ZNF121: variants seen among roughly 807,000 people sequenced by gnomAD.
The protein encoded by ZNF121 is zinc finger protein 121 (clone ZHC32).
A neutral mutation model predicts 2.4 loss-of-function variants in ZNF121; 1 was observed. That is an observed-to-expected ratio of 0.41 (90% CI 0.15 to 1.94). The LOEUF is 1.94. ZNF121 is among the 30% of genes most tolerant of loss of function. The pLI is 0.30. For synonymous variants in ZNF121, 173 were observed against 158.6 expected, an observed-to-expected ratio of 1.09 and a Z score of -0.68; for missense variants, 369 against 466.3, an observed-to-expected ratio of 0.79 and a Z score of 1.92.
chr19:9,563,298 C>CT lies in ZNF121; in HGVS notation c.*2641dup, dbSNP rs1369187286. On this transcript the variant is annotated 3_prime_UTR_variant, in exon 4 of 4. Coordinates refer to ENST00000320451, the MANE Select transcript of ZNF121 (RefSeq NM_001008727.5). ...CCTAATCCAGAGCAAGGCCCTAACT[C>CT]TAATTCTATGAAGGCTGAGAGGTGA... 2.0e-5 allele frequency: 3 copies of CT among 152,208 alleles called. No homozygotes were observed. The highest frequency in any genetic ancestry group is 2.0e-4 in the Admixed American group (3 of 15,284). The allele number at this position is 152,208 out of a possible 1,614,324, so 9.4% of individuals were successfully genotyped here. A position where few individuals can be genotyped will look rare whatever the true frequency, so the allele number is the denominator to read the frequency against.
intron 1 of ZNF121, among the ~76,000 whole-genome samples, chr19:9,578,617 T>C (rs2074228020): frequency 6.6e-6 from 1 of 152,148 alleles, no homozygotes; most frequent in Admixed American, 6.6e-5. Context: ...CAGTCTTCAA[T>C]AAGTGCTGCT....
chr19:9,568,266 T>C, intron 2 of ZNF121, 91 bp from the exon 3 acceptor site: 1 of 579,500 alleles, frequency 1.7e-6, no homozygotes, highest in Non-Finnish European at 2.9e-6. Context: ...TCATTTTTAT[T>C]TGTCATATTC....
Position 9,561,568 on chromosome 19 carries a change from T to C in ZNF121, c.*4372A>G, listed in dbSNP as rs1307411659. 6.6e-6 allele frequency: 1 copy of C among 152,068 alleles called. No individual in the cohort carries two copies. The allele number at this position is 152,068 out of a possible 1,614,324, so 9.4% of individuals were successfully genotyped here. On this transcript the variant is annotated 3_prime_UTR_variant, in exon 4 of 4. Coordinates refer to ENST00000320451, the MANE Select transcript of ZNF121 (RefSeq NM_001008727.5). ...TCCTTACAAAATTCCAGTTAAGAAA[T>C]GTAGAAGAAACTATGGAATTAGAAA...
chr19:9,575,211 C>T (rs114275130), intron 1 of ZNF121, among the ~76,000 whole-genome samples: 1,952 of 152,180 alleles, frequency 0.013, 47 homozygotes, highest in African/African-American at 0.045. Context: ...CCTGACATCA[C>T]GAGTTAGAGA....
Position 9,566,025 on chromosome 19 carries a change from G to C in ZNF121, c.1088C>G (p.Thr363Ser). ...GTTACATATATAGGGTTTCTCTCCA[G>C]TGTGAATTCTAACATGTTTCTGTAG... ...SHLQKHVRIH[T>S]GEKPYICNEC... is the part of the protein sequence containing the mutation. The change falls in exon 4 of 4, where the codon ACT (threonine) becomes AGT (serine). Residue 363 changes from threonine (T) to serine (S), a missense_variant. Around this residue, in one of 4 missense-constraint regions of ZNF121, gnomAD observed 127 missense variants for 169.9 expected, o/e 0.75. Coordinates refer to ENST00000320451, the MANE Select transcript of ZNF121 (RefSeq NM_001008727.5). 1.9e-6 allele frequency: 3 copies of C among 1,613,908 alleles called. No homozygotes were observed. Among genetic ancestry groups the C allele is most frequent in the Admixed American group, 1.7e-5 (1 of 59,996 alleles).
chr19:9,582,291 CAAG>C (rs1035890365), intron 1 of ZNF121, among the ~76,000 whole-genome samples: 3 of 152,190 alleles, frequency 2.0e-5, no homozygotes, highest in Non-Finnish European at 2.9e-5. Context: ...TGAAGAACAA[CAAG>C]AAGAAGCGAA....
At position 9,567,062 on chromosome 19, in the gene ZNF121, T is replaced by C; in HGVS notation, c.51A>G (p.Gly17=). The C allele has an allele frequency of 6.2e-7, 1 of 1,613,982 alleles. No individual in the cohort carries two copies. The highest frequency in any genetic ancestry group is 1.1e-5 in the South Asian group (1 of 91,042). Reference sequence around the variant, plus strand: ...GGCATGAGTGTTCACTGAAGATTTCTCCATTTTCCATAAAGTCACAGAGTT... The same window carrying C: ...GGCATGAGTGTTCACTGAAGATTTCCCCATTTTCCATAAAGTCACAGAGTT... ...GGELCDFMEN[G]EIFSEHSCLN... is the part of the protein sequence containing the mutation. Residue 17 remains glycine (G), a synonymous_variant, in exon 4 of 4, where the codon GGA becomes GGG. Transcript: ENST00000320451.
At chr19:9,584,378 G>A (rs1599746049) in intron 1 of ZNF121, 83 bp downstream of exon 1, 1 of 152,278 alleles carries the variant, frequency 6.6e-6, no homozygotes, top group African/African-American at 2.4e-5. Flanking sequence ...GAGGCGGATC[G>A]GAGAGGCTCC....
chr19:9,576,360 T>C (rs938481693), intron 1 of ZNF121, among the ~76,000 whole-genome samples: 16 of 151,760 alleles, frequency 1.1e-4, no homozygotes, highest in African/African-American at 3.6e-4. Context: ...CAACGGAACA[T>C]TGTTTTGGTA....
chr19:9,582,982 G>A (rs1430264607), intron 1 of ZNF121, among the ~76,000 whole-genome samples: 1 of 144,508 alleles, frequency 6.9e-6, no homozygotes, highest in Non-Finnish European at 1.5e-5. Flanking sequence ...TTGGGAGGCC[G>A]TCAGGCGGAT....
In ZNF121 at chr19:9,576,785, C is replaced by G. The variant is rs535882610; in HGVS notation, c.-160+7676G>C. Reference sequence around the variant, plus strand: ...TAAAAAATGAAAAAAGAAAACAGAACAGAAACCACAGAAATACAACCAATC... The same window carrying G: ...TAAAAAATGAAAAAAGAAAACAGAAGAGAAACCACAGAAATACAACCAATC... On this transcript the variant is annotated intron_variant, in intron 1 of 3. Coordinates refer to ENST00000320451, the MANE Select transcript of ZNF121 (RefSeq NM_001008727.5). 7.9e-5 allele frequency among the ~76,000 whole-genome samples: 12 copies of G among 152,150 alleles called. No homozygotes were observed. The East Asian group carries it at 2.1e-3, about 27-fold the overall frequency.
chr19:9,581,991 A>T (rs2074251202), intron 1 of ZNF121, among the ~76,000 whole-genome samples: 1 of 152,184 alleles, frequency 6.6e-6, no homozygotes, highest in African/African-American at 2.4e-5. Flanking sequence ...ACCTGAGGTG[A>T]AAGAAAACAA....
At chr19:9,579,326 TCACTTGAG>T (rs1287409840) in intron 1 of ZNF121, among the ~76,000 whole-genome samples, 1 of 152,018 alleles carries the variant, frequency 6.6e-6, no homozygotes, top group Non-Finnish European at 1.5e-5. Context: ...GGTGGGAGGA[TCACTTGAG>T]CCCAGAAGTT....
At chr19:9,579,125 T>G (rs2074231735) in intron 1 of ZNF121, among the ~76,000 whole-genome samples, 1 of 152,112 alleles carries the variant, frequency 6.6e-6, no homozygotes. Context: ...AAATCACACA[T>G]TACCACAATG....
chr19:9,574,508 T>A (rs1416324551), intron 1 of ZNF121, among the ~76,000 whole-genome samples: 1 of 152,178 alleles, frequency 6.6e-6, no homozygotes, highest in Non-Finnish European at 1.5e-5. Flanking sequence ...CCAGCAGATT[T>A]GCCATGAGAG....
intron 1 of ZNF121, among the ~76,000 whole-genome samples, chr19:9,574,110 A>C (rs1367261455): frequency 6.6e-6 from 1 of 151,646 alleles, no homozygotes; most frequent in Non-Finnish European, 1.5e-5. Context: ...TAGCACTTGA[A>C]CATAAATTTT....
intron 3 of ZNF121, chr19:9,567,854 C>T (rs1302869497): frequency 5.1e-6 from 2 of 394,422 alleles, no homozygotes; most frequent in East Asian, 3.8e-5. Context: ...GGCAGTAATA[C>T]AAGCGATGGG....
At chr19:9,583,009 C>T (rs1291545185) in intron 1 of ZNF121, among the ~76,000 whole-genome samples, 3 of 140,250 alleles carry the variant, frequency 2.1e-5, no homozygotes, top group East Asian at 2.1e-4. Flanking sequence ...GTCAGGAGTT[C>T]GAGACCAGCC....
In ZNF121 at chr19:9,560,883, T is replaced by C. The variant is rs1034311986; in HGVS notation, c.*5057A>G. On this transcript the variant is annotated 3_prime_UTR_variant, in exon 4 of 4. Coordinates refer to ENST00000320451, the MANE Select transcript of ZNF121 (RefSeq NM_001008727.5). ...GTAAGTTTTAAACCTAGTGCTTTTATATTACGCCCTGAGCTAAAGATAAGA... is the reference window on the plus strand; with the variant it reads ...GTAAGTTTTAAACCTAGTGCTTTTACATTACGCCCTGAGCTAAAGATAAGA... 4.1e-4 allele frequency: 62 copies of C among 152,262 alleles called. 1 individual carries two copies. The highest frequency in any genetic ancestry group is 1.5e-3 in the African/African-American group (61 of 41,472). 9.4% of individuals were successfully genotyped at this position (152,262 alleles called of 1,614,324 possible).
Sources: gnomAD v4.1 joint callset for allele counts (sites outside exome capture counted in the v4.1 genomes callset) on GRCh38, gnomAD v4.1.1 for gene constraint, gnomAD v4.1.1 regional missense constraint, MANE v1.5 for transcripts, NCBI Gene and HGNC (gene_info 2026-07-23, HGNC 2026-07-21) for gene names.